The following ZNF438 variants were observed in gnomAD, a reference collection of about 807,000 sequenced individuals.
ZNF438 encodes the protein zinc finger protein 438.
A neutral mutation model predicts 38.0 loss-of-function variants in ZNF438; 25 were observed. The observed-to-expected ratio is 0.66, with a 90% CI of 0.48 to 0.92. The LOEUF (loss-of-function observed/expected upper bound fraction) is 0.92. Ranked by LOEUF, ZNF438 falls within the 40% of genes least tolerant of loss-of-function variation. ZNF438 has a pLI of 0.00. For missense variants in ZNF438, 1,007 were observed against 999.6 expected (o/e 1.01, Z -0.10); for synonymous variants, 372 against 364.1 (o/e 1.02, Z -0.25).
intron 3 of ZNF438, among the ~76,000 whole-genome samples, chr10:30,882,352 C>T (rs1564561483): frequency 1.3e-5 from 2 of 152,144 alleles, no homozygotes; most frequent in Admixed American, 1.3e-4. Flanking sequence ...CCAGCTAATC[C>T]CTTCCTACCA....
chr10:30,979,845 A>G (rs180787674), intron 1 of ZNF438, among the ~76,000 whole-genome samples: 1 of 152,326 alleles, frequency 6.6e-6, no homozygotes, highest in East Asian at 1.9e-4. Flanking sequence ...CTTTCTGTAG[A>G]TCTAAATCCA....
chr10:30,968,018 T>TTA (rs370302735), intron 1 of ZNF438, among the ~76,000 whole-genome samples: 30 of 152,064 alleles, frequency 2.0e-4, no homozygotes, highest in East Asian at 1.4e-3. Flanking sequence ...AAAAGACATT[T>TTA]TATATATATA....
intron 1 of ZNF438, among the ~76,000 whole-genome samples, chr10:31,016,556 A>G (rs1168905384): frequency 1.3e-5 from 2 of 152,192 alleles, no homozygotes; most frequent in Non-Finnish European, 2.9e-5. Context: ...TTTGCTCTAT[A>G]AGGTCATCCA....
chr10:30,878,192 TTCTTTCTG>T (rs2038716721), intron 3 of ZNF438, among the ~76,000 whole-genome samples: 1 of 152,172 alleles, frequency 6.6e-6, no homozygotes, highest in African/African-American at 2.4e-5. Flanking sequence ...TCCTGATTGG[TTCTTTCTG>T]AATAATGTCT....
At chr10:31,008,205 G>A (rs560230861) in intron 1 of ZNF438, among the ~76,000 whole-genome samples, 2 of 152,204 alleles carry the variant, frequency 1.3e-5, no homozygotes, top group African/African-American at 4.8e-5. Flanking sequence ...CAGTCAAATT[G>A]AAATAATAAT....
chr10:30,863,839 T>C, intron 4 of ZNF438, among the ~76,000 whole-genome samples: 1 of 152,210 alleles, frequency 6.6e-6, no homozygotes, highest in Non-Finnish European at 1.5e-5. Context: ...GGCCCCACCT[T>C]GTGCTCTCCA....
intron 3 of ZNF438, among the ~76,000 whole-genome samples, chr10:30,890,842 G>A (rs1292590544): frequency 6.6e-6 from 1 of 152,128 alleles, no homozygotes; most frequent in East Asian, 1.9e-4. Context: ...TTCACTTCTT[G>A]ATTGTTCAAT....
At chr10:30,897,861 C>T (rs1049758707) in intron 3 of ZNF438, among the ~76,000 whole-genome samples, 4 of 152,098 alleles carry the variant, frequency 2.6e-5, no homozygotes, top group Admixed American at 2.0e-4. Flanking sequence ...AGATCTAAAC[C>T]GCTGACAGAG....
intron 1 of ZNF438, among the ~76,000 whole-genome samples, chr10:30,987,800 G>A (rs1302579892): frequency 2.0e-5 from 3 of 152,092 alleles, no homozygotes; most frequent in Admixed American, 6.6e-5. Context: ...AAACTGATCT[G>A]CTGGTGCCTT....
At chr10:31,022,284 C>T (rs61845215) in intron 1 of ZNF438, among the ~76,000 whole-genome samples, 12,081 of 150,720 alleles carry the variant, frequency 0.08, 510 homozygotes, top group African/African-American at 0.11. Flanking sequence ...TTTTTTGAGA[C>T]GGAGTCTCAC....
chr10:30,970,803 A>G (rs1453507721), intron 1 of ZNF438, among the ~76,000 whole-genome samples: 1 of 152,216 alleles, frequency 6.6e-6, no homozygotes, highest in African/African-American at 2.4e-5. Flanking sequence ...ACTGTCCCCA[A>G]AATGGACATC....
chr10:30,958,732 C>T (rs2049141805), intron 1 of ZNF438, among the ~76,000 whole-genome samples: 1 of 146,926 alleles, frequency 6.8e-6, no homozygotes, highest in African/African-American at 2.4e-5. Flanking sequence ...CCTGCTCCAA[C>T]CCCTAGTTCC....
Position 30,888,653 on chromosome 10 carries a change from G to A in ZNF438, c.-31-11588C>T, listed in dbSNP as rs146182388. On this transcript the variant is annotated intron_variant, in intron 3 of 5. Coordinates refer to ENST00000413025, the Ensembl canonical transcript of ZNF438. ...TGGTTTGCTGTTCCTGCATTAGTTT[G>A]CTAAGGATGATGGCCTCCAGCTCCA... 6.4e-4 allele frequency among the ~76,000 whole-genome samples: 98 copies of A among 152,210 alleles called. 1 individual carries two copies. The highest frequency in any genetic ancestry group is 6.8e-3 in the Middle Eastern group (2 of 294).
intron 1 of ZNF438, among the ~76,000 whole-genome samples, chr10:30,968,079 C>G (rs1466507774): frequency 6.6e-6 from 1 of 152,164 alleles, no homozygotes; most frequent in Non-Finnish European, 1.5e-5. Flanking sequence ...TCATGCTGTT[C>G]CGCAAAACAG....
chr10:30,867,310 G>A (rs1481695476), intron 4 of ZNF438, among the ~76,000 whole-genome samples: 2 of 126,256 alleles, frequency 1.6e-5, no homozygotes, highest in Admixed American at 8.2e-5. Flanking sequence ...ATCAATGCCA[G>A]TCTTCTCATT....
At chr10:30,962,106 T>C (rs2136050229) in intron 1 of ZNF438, among the ~76,000 whole-genome samples, 1 of 146,800 alleles carries the variant, frequency 6.8e-6, no homozygotes, top group South Asian at 2.2e-4. Context: ...CACCTTACTC[T>C]TTCCCATAAA....
exon 5 of ZNF438, chr10:30,850,330 C>A: frequency 6.2e-7 from 1 of 1,614,118 alleles, no homozygotes; most frequent in Non-Finnish European, 8.5e-7. Flanking sequence ...GCAAACCTTT[C>A]CTACTCTGTA....
intron 1 of ZNF438, among the ~76,000 whole-genome samples, chr10:31,007,838 G>A (rs1207426482): frequency 6.6e-6 from 1 of 152,164 alleles, no homozygotes; most frequent in Non-Finnish European, 1.5e-5. Flanking sequence ...CTCAGTTCTA[G>A]AATTTACTCA....
At chr10:30,937,505 T>C (rs1393188953) in intron 2 of ZNF438, among the ~76,000 whole-genome samples, 3 of 152,192 alleles carry the variant, frequency 2.0e-5, no homozygotes, top group Non-Finnish European at 4.4e-5. Context: ...GTCATATTCC[T>C]CATACACATA....
Sources: gnomAD v4.1 joint callset for allele counts (sites outside exome capture counted in the v4.1 genomes callset) on GRCh38, gnomAD v4.1.1 for gene constraint, MANE v1.5 for transcripts, NCBI Gene and HGNC (gene_info 2026-07-23, HGNC 2026-07-21) for gene names.